Variants in PRRX2 observed in about 807,000 individuals in gnomAD.
PRRX2 encodes paired mesoderm homeobox protein 2.
In PRRX2, 11 loss-of-function variants were observed where a neutral mutation model predicts 18.0. The ratio of observed to expected loss-of-function variants is 0.61; its 90% CI spans 0.39 to 1.01. The LOEUF (loss-of-function observed/expected upper bound fraction) is 1.01. Ranked by LOEUF, PRRX2 falls within the 50% of genes least tolerant of loss-of-function variation. PRRX2 has a pLI of 0.01. For missense variants in PRRX2, 387 were observed against 351.0 expected (o/e 1.10, Z -0.82); for synonymous variants, 177 against 154.8 (o/e 1.14, Z -1.06).
At chr9:129,712,965 G>A (rs1832649229) in intron 1 of PRRX2, 1 of 152,232 alleles carries the variant, frequency 6.6e-6, no homozygotes, top group Non-Finnish European at 1.5e-5. Context: ...GTCCCCAGAG[G>A]AACACACACG....
At chr9:129,681,020 C>G (rs1286430701) in intron 1 of PRRX2, among the ~76,000 whole-genome samples, 3 of 152,256 alleles carry the variant, frequency 2.0e-5, no homozygotes, top group African/African-American at 4.8e-5. Flanking sequence ...GGAAGGCTGA[C>G]ACGTTCAGAT....
intron 1 of PRRX2, chr9:129,718,555 AGAT>A (rs1315582650): frequency 1.3e-5 from 2 of 152,308 alleles, no homozygotes; most frequent in Non-Finnish European, 2.9e-5. Context: ...AAAAAGGAGA[AGAT>A]GAGGACTCTC....
intron 1 of PRRX2, among the ~76,000 whole-genome samples, chr9:129,686,886 A>T (rs1225197596): frequency 2.6e-5 from 4 of 151,344 alleles, no homozygotes; most frequent in Middle Eastern, 3.4e-3. Context: ...CCAGCGGGGG[A>T]GTGGGGTCTG....
At chr9:129,669,549 G>C (rs1006285296) in intron 1 of PRRX2, among the ~76,000 whole-genome samples, 1 of 152,264 alleles carries the variant, frequency 6.6e-6, no homozygotes, top group African/African-American at 2.4e-5. Context: ...TGGGCGGCCA[G>C]TGCTCAGGGC....
chr9:129,676,933 T>A (rs1040310029), intron 1 of PRRX2, among the ~76,000 whole-genome samples: 5 of 152,266 alleles, frequency 3.3e-5, no homozygotes, highest in African/African-American at 1.2e-4. Flanking sequence ...TTGTTTCATT[T>A]CCCCTCATGG....
At chr9:129,692,024 A>G (rs1168559053) in intron 1 of PRRX2, among the ~76,000 whole-genome samples, 8 of 147,052 alleles carry the variant, frequency 5.4e-5, no homozygotes, top group South Asian at 4.4e-4. Context: ...GCTCACTGCA[A>G]TCTCCACCTC....
intron 1 of PRRX2, among the ~76,000 whole-genome samples, chr9:129,711,115 AC>A (rs1384546266): frequency 6.6e-6 from 1 of 151,626 alleles, no homozygotes; most frequent in Non-Finnish European, 1.5e-5. Flanking sequence ...CACCAGGGAG[AC>A]CCCCAGAATC....
At chr9:129,684,482 TCACACACACACACACACA>T (rs71385454) in intron 1 of PRRX2, among the ~76,000 whole-genome samples, 26 of 43,244 alleles carry the variant, frequency 6.0e-4, no homozygotes, top group Non-Finnish European at 9.8e-4. Context: ...ATACCAGAAA[TCACACACACACACACACA>T]CACACACACA....
At chr9:129,717,496 G>A (rs890646775) in intron 1 of PRRX2, among the ~76,000 whole-genome samples, 1 of 151,952 alleles carries the variant, frequency 6.6e-6, no homozygotes, top group Admixed American at 6.6e-5. Flanking sequence ...AAGAGTTCGA[G>A]ACCAGCCTGG....
At chr9:129,699,103 C>A (rs1311181634) in intron 1 of PRRX2, among the ~76,000 whole-genome samples, 1 of 152,212 alleles carries the variant, frequency 6.6e-6, no homozygotes, top group African/African-American at 2.4e-5. Context: ...TTTCCCTAGC[C>A]CATGCTCTGG....
chr9:129,719,162 T>C, intron 1 of PRRX2, 69 bp from the exon 2 acceptor site: 1 of 1,397,316 alleles, frequency 7.2e-7, no homozygotes, highest in South Asian at 1.5e-5. Flanking sequence ...AACTGCAGAG[T>C]TGGGGGCTGA....
In PRRX2 at chr9:129,695,010, G is replaced by T. The variant is rs753521121; in HGVS notation, c.260-24221G>T. ...GCTCACCATGGAGGAGGAATGGGGC[G>T]AGCTGCAGGCTGGCTCAGAGGGGTC... is the stretch of plus-strand genomic sequence containing the variant. On this transcript the variant is annotated intron_variant, in intron 1 of 3. Transcript: ENST00000372469. The surrounding 1 kb of genome is among the most constrained non-coding windows in gnomAD (Gnocchi z 4.8). Among the ~76,000 whole-genome samples the T allele has an allele frequency of 2.0e-5, 3 of 152,110 alleles. No individual in the cohort carries two copies. Among genetic ancestry groups the T allele is most frequent in the East Asian group, 1.9e-4 (1 of 5,174 alleles).
Position 129,665,951 on chromosome 9 carries a change from C to A in PRRX2, c.84C>A (p.Pro28=). The A allele has an allele frequency of 8.8e-7, 1 of 1,136,008 alleles. No homozygotes were observed. The highest frequency in any genetic ancestry group is 2.3e-5 in the South Asian group (1 of 44,050). 70.4% of individuals were successfully genotyped at this position (1,136,008 alleles called of 1,614,324 possible). The change falls in exon 1 of 4, where the codon CCC becomes CCA. Residue 28 remains proline (P), a synonymous_variant. Coordinates refer to ENST00000372469, the MANE Select transcript of PRRX2 (RefSeq NM_016307.4). This position sits in a 1 kb window ranked among gnomAD's most constrained non-coding sequence, Gnocchi z 5.3. ...CGCCGCCTCCACCCGCGCTGGGGCC[C>A]GGCGACTGCGCCCAGGCGCGCAAGA... ...GPPPPPPALG[P]GDCAQARKNF... is the part of the protein sequence containing the mutation.
rs1832039276 is a variant in PRRX2, at chr9:129,667,407, G to A, written c.259+1281G>A. On this transcript the variant is annotated intron_variant, in intron 1 of 3. Coordinates refer to ENST00000372469, the MANE Select transcript of PRRX2 (RefSeq NM_016307.4). ...CCCTGCCGGCCCAAGGTCATTTGAG[G>A]ACCTCAGCGGCTCTGAGCCGGTCCC... 1.3e-5 allele frequency among the ~76,000 whole-genome samples: 2 copies of A among 152,214 alleles called. 1 individual carries two copies. Among genetic ancestry groups the A allele is most frequent in the Non-Finnish European group, 2.9e-5 (2 of 68,048 alleles).
At chr9:129,694,522 GC>G (rs775079473) in intron 1 of PRRX2, among the ~76,000 whole-genome samples, 1 of 152,130 alleles carries the variant, frequency 6.6e-6, no homozygotes, top group Non-Finnish European at 1.5e-5. Flanking sequence ...TTCTGTGCTG[GC>G]TGCCTCCTGG....
At chr9:129,718,034 G>A (rs13298680) in intron 1 of PRRX2, among the ~76,000 whole-genome samples, 3,117 of 152,158 alleles carry the variant, frequency 0.02, 53 homozygotes, top group Middle Eastern at 0.078. Flanking sequence ...CCTTGGATAA[G>A]GTTTAAATGT....
At chr9:129,693,574 G>C (rs1006241662) in intron 1 of PRRX2, among the ~76,000 whole-genome samples, 1 of 150,220 alleles carries the variant, frequency 6.7e-6, no homozygotes, top group East Asian at 2.0e-4. Context: ...ATCCAGCCTG[G>C]GCGACAAGAG....
rs762929485 is a variant in PRRX2, at chr9:129,715,750, T to TCTCTCTCTCTCTCTCACACACACACA, written c.260-3480_260-3479insTCTCTCTCTCTCTCACACACACACAC. 6.5e-5 allele frequency among the ~76,000 whole-genome samples: 9 copies of TCTCTCTCTCTCTCTCACACACACACA among 138,862 alleles called. No homozygotes were observed. The East Asian group carries it at 6.8e-4, about 11-fold the overall frequency. 91.1% of individuals were successfully genotyped at this position (138,862 alleles called of 152,430 possible). A position where few individuals can be genotyped will look rare whatever the true frequency, so the allele number is the denominator to read the frequency against. ...AAACCCAGCTTCAGGGACATCTTTC[T>TCTCTCTCTCTCTCTCACACACACACA]CACACACACACACACACACACACAC... On this transcript the variant is annotated intron_variant, in intron 1 of 3. Transcript: ENST00000372469. The surrounding 1 kb of genome is among the most constrained non-coding windows in gnomAD (Gnocchi z 4.0).
chr9:129,697,799 C>T (rs951595930), intron 1 of PRRX2, among the ~76,000 whole-genome samples: 1 of 152,094 alleles, frequency 6.6e-6, no homozygotes, highest in African/African-American at 2.4e-5. Context: ...GCTGTCTCCA[C>T]CCCACAAAGG....
Sources: gnomAD v4.1 joint callset for allele counts (sites outside exome capture counted in the v4.1 genomes callset) on GRCh38, gnomAD v4.1.1 for gene constraint, Gnocchi (gnomAD v3.1) non-coding constraint, MANE v1.5 for transcripts, NCBI Gene and HGNC (gene_info 2026-07-23, HGNC 2026-07-21) for gene names.